The following SUGCT variants were observed in gnomAD, a reference collection of about 807,000 sequenced individuals.
The protein encoded by SUGCT is succinyl-CoA:glutarate CoA-transferase.
SUGCT carries 41 observed loss-of-function variants against 55.0 expected under a neutral mutation model. That is an observed-to-expected ratio of 0.74 (90% CI 0.58 to 0.97). The LOEUF is 0.97. Among genes scored for constraint, SUGCT ranks in the 50% least tolerant of loss-of-function variants. The pLI is 0.00. For missense variants in SUGCT, 568 were observed against 547.8 expected (o/e 1.04, Z -0.37); for synonymous variants, 187 against 200.4 (o/e 0.93, Z 0.56).
intron 12 of SUGCT, among the ~76,000 whole-genome samples, chr7:40,624,200 C>T (rs185224933): frequency 6.6e-6 from 1 of 152,296 alleles, no homozygotes; most frequent in East Asian, 1.9e-4. Context: ...GAGCACCCAC[C>T]TCAGGCCTCC....
At chr7:40,248,908 ACG>A (rs1491519839) in intron 7 of SUGCT, among the ~76,000 whole-genome samples, 19,937 of 109,140 alleles carry the variant, frequency 0.18, 1,690 homozygotes, top group East Asian at 0.41. Context: ...ACACACACAC[ACG>A]CACACACACA....
chr7:40,437,814 G>A (rs1416018650), intron 9 of SUGCT, among the ~76,000 whole-genome samples: 3 of 152,086 alleles, frequency 2.0e-5, no homozygotes, highest in Admixed American at 1.3e-4. Flanking sequence ...AAGTCATTTA[G>A]CAATGGTTAC....
chr7:40,564,831 G>C (rs1300788821), intron 12 of SUGCT, among the ~76,000 whole-genome samples: 1 of 152,202 alleles, frequency 6.6e-6, no homozygotes, highest in Non-Finnish European at 1.5e-5. Context: ...CACTCTAAGA[G>C]ACGTATTTAT....
At chr7:40,767,337 T>A (rs1202776621) in intron 13 of SUGCT, among the ~76,000 whole-genome samples, 1 of 152,156 alleles carries the variant, frequency 6.6e-6, no homozygotes, top group Non-Finnish European at 1.5e-5. Context: ...GTAAATCACA[T>A]GATATAAAAG....
the SUGCT span, among the ~76,000 whole-genome samples, chr7:40,899,350 C>T: frequency 6.6e-6 from 1 of 152,178 alleles, no homozygotes; most frequent in African/African-American, 2.4e-5. Context: ...TTTGGCACCT[C>T]GGTGGCTATA....
At chr7:40,544,290 C>G (rs1312373415) in intron 12 of SUGCT, among the ~76,000 whole-genome samples, 1 of 152,066 alleles carries the variant, frequency 6.6e-6, no homozygotes, top group African/African-American at 2.4e-5. Context: ...CCCTGTGTCT[C>G]CAGCATTCAG....
chr7:40,625,082 A>G (rs1584153493), intron 12 of SUGCT, among the ~76,000 whole-genome samples: 1 of 151,860 alleles, frequency 6.6e-6, no homozygotes, highest in African/African-American at 2.4e-5. Context: ...TCAATCCCCC[A>G]TTTCATATCT....
At chr7:40,236,588 C>T (rs934210042) in intron 6 of SUGCT, among the ~76,000 whole-genome samples, 1 of 152,012 alleles carries the variant, frequency 6.6e-6, no homozygotes, top group Admixed American at 6.6e-5. Flanking sequence ...ATAAATAGAA[C>T]TCAGGGAGAT....
chr7:40,722,837 T>G (rs754015352), intron 12 of SUGCT, among the ~76,000 whole-genome samples: 5 of 152,222 alleles, frequency 3.3e-5, no homozygotes, highest in African/African-American at 4.8e-5. Flanking sequence ...CAATAAAATG[T>G]CTGTGTGACA....
intron 1 of SUGCT, among the ~76,000 whole-genome samples, chr7:40,158,491 C>A (rs1784002023): frequency 6.6e-6 from 1 of 152,188 alleles, no homozygotes; most frequent in Non-Finnish European, 1.5e-5. Flanking sequence ...TGGCTCACGC[C>A]TGTAATCCCA....
At chr7:40,280,334 A>G (rs1187994621) in intron 8 of SUGCT, among the ~76,000 whole-genome samples, 1 of 152,166 alleles carries the variant, frequency 6.6e-6, no homozygotes, top group Non-Finnish European at 1.5e-5. Context: ...GCATCTAAAC[A>G]GTGTTCTTTA....
At chr7:40,420,195 A>G (rs181427793) in intron 9 of SUGCT, among the ~76,000 whole-genome samples, 4 of 152,302 alleles carry the variant, frequency 2.6e-5, no homozygotes, top group Admixed American at 2.0e-4. Context: ...GAAAGTGTCA[A>G]AGGCACATTG....
chr7:40,702,879 A>T (rs1469098804), intron 12 of SUGCT, among the ~76,000 whole-genome samples: 1 of 152,018 alleles, frequency 6.6e-6, no homozygotes, highest in Non-Finnish European at 1.5e-5. Flanking sequence ...AAACTACGTA[A>T]CTCTCAAATC....
At chr7:40,411,260 G>T (rs114319123) in intron 9 of SUGCT, among the ~76,000 whole-genome samples, 1 of 152,132 alleles carries the variant, frequency 6.6e-6, no homozygotes, top group African/African-American at 2.4e-5. Context: ...GATCATGGTG[G>T]CACATACCTG....
intron 12 of SUGCT, among the ~76,000 whole-genome samples, chr7:40,656,233 C>A (rs1431169836): frequency 7.2e-6 from 1 of 139,790 alleles, no homozygotes. Flanking sequence ...ATTATCATAG[C>A]ATCTTTTTTT....
chr7:40,449,318 T>G lies in SUGCT; in HGVS notation c.848T>G (p.Val283Gly), dbSNP rs1789059218. Residue 283 changes from valine (V) to glycine (G), a missense_variant, in exon 10 of 14, where the codon GTT becomes GGT. Transcript: ENST00000335693. ...AAAACCAAGGATGGCTATATTGTAGTTGGAGCAGGAAATAACCAGCAGTTT... is the reference window on the plus strand; with the variant it reads ...AAAACCAAGGATGGCTATATTGTAGGTGGAGCAGGAAATAACCAGCAGTTT... ...AFKTKDGYIVVGAGNNQQFAT... is the reference protein window; with the variant it reads ...AFKTKDGYIVGGAGNNQQFAT... The G allele has an allele frequency of 6.2e-7, 1 of 1,612,568 alleles. No individual in the cohort carries two copies. Among genetic ancestry groups the G allele is most frequent in the Non-Finnish European group, 8.5e-7 (1 of 1,178,920 alleles).
chr7:40,907,659 T>C, the SUGCT span, among the ~76,000 whole-genome samples: 9 of 152,124 alleles, frequency 5.9e-5, no homozygotes, highest in African/African-American at 2.2e-4. Flanking sequence ...GGTTAGCAAG[T>C]TACAGAAAGG....
chr7:40,675,354 T>C (rs1783918345), intron 12 of SUGCT, among the ~76,000 whole-genome samples: 1 of 152,208 alleles, frequency 6.6e-6, no homozygotes, highest in East Asian at 1.9e-4. Flanking sequence ...TCACCACGCC[T>C]GACCAATTTC....
chr7:40,860,433 G>A lies in SUGCT; in HGVS notation c.1271G>A (p.Gly424Glu). ...EVLRYDDRAIGELLSAGVVDQ... is the reference protein window; with the variant it reads ...EVLRYDDRAIEELLSAGVVDQ... ...CTGAGATACGATGACAGGGCCATCG[G>A]GGAGCTGCTCAGCGCTGGAGTGGTG... Residue 424 changes from glycine to glutamate, a missense_variant, in exon 14 of 14, where the codon GGG becomes GAG. By Grantham distance (98) the Gly-to-Glu change is moderately conservative. Transcript: ENST00000335693. 1 of 1,613,906 alleles carries A rather than the reference G, an allele frequency of 6.2e-7. No individual in the cohort carries two copies. Among genetic ancestry groups the A allele is most frequent in the Non-Finnish European group, 8.5e-7 (1 of 1,179,832 alleles).
Sources: gnomAD v4.1 joint callset for allele counts (sites outside exome capture counted in the v4.1 genomes callset) on GRCh38, gnomAD v4.1.1 for gene constraint, MANE v1.5 for transcripts, NCBI Gene and HGNC (gene_info 2026-07-23, HGNC 2026-07-21) for gene names.